The following KLF12 variants were observed in gnomAD, a reference collection of about 807,000 sequenced individuals.
The protein encoded by KLF12 is KLF transcription factor 12, also known as Krueppel-like factor 12.
In KLF12, 9 loss-of-function variants were observed where a neutral mutation model predicts 37.8. The ratio of observed to expected loss-of-function variants is 0.24; its 90% CI spans 0.14 to 0.42. The LOEUF (loss-of-function observed/expected upper bound fraction) is 0.42. KLF12 is among the 10% of genes least tolerant of loss of function. The pLI is 1.00. For missense variants in KLF12, 411 were observed against 516.0 expected, an observed-to-expected ratio of 0.80 and a Z score of 1.97; for synonymous variants, 208 against 202.1, an observed-to-expected ratio of 1.03 and a Z score of -0.25.
intron 1 of KLF12, among the ~76,000 whole-genome samples, chr13:74,093,239 G>T (rs530399269): frequency 3.9e-5 from 6 of 152,220 alleles, no homozygotes; most frequent in African/African-American, 1.2e-4. Flanking sequence ...ATGCTACAGC[G>T]GGCGGATAAC....
At chr13:73,919,688 T>G (rs558338276) in intron 3 of KLF12, among the ~76,000 whole-genome samples, 1 of 152,314 alleles carries the variant, frequency 6.6e-6, no homozygotes, top group South Asian at 2.1e-4. Flanking sequence ...TTGTTGTGAA[T>G]CAATCCTCTA....
chr13:73,903,184 ATT>A (rs1340114546), intron 3 of KLF12, among the ~76,000 whole-genome samples: 1 of 152,206 alleles, frequency 6.6e-6, no homozygotes, highest in Non-Finnish European at 1.5e-5. Context: ...TGATACATTA[ATT>A]TTTTAAGCAA....
intron 1 of KLF12, among the ~76,000 whole-genome samples, chr13:74,032,832 C>T (rs916450896): frequency 1.3e-5 from 2 of 152,084 alleles, no homozygotes; most frequent in Non-Finnish European, 2.9e-5. Context: ...TGATGGCTGA[C>T]CAATAAAAAG....
At chr13:74,279,132 T>A in the KLF12 span, among the ~76,000 whole-genome samples, 1 of 152,170 alleles carries the variant, frequency 6.6e-6, no homozygotes, top group Non-Finnish European at 1.5e-5. Flanking sequence ...ACTCATTCTT[T>A]CCCTCTTGGA....
rs1022284423 is a variant in KLF12, at chr13:73,690,201, T to G, written c.*5289A>C. The stretch of plus-strand genomic sequence containing the variant: ...TAAGAATTATTGCTGTGTAAAAGTA[T>G]AGGAATATCTCATTGGTCATAAGGT... On this transcript the variant is annotated 3_prime_UTR_variant, in exon 8 of 8. Coordinates refer to ENST00000377669, the MANE Select transcript of KLF12 (RefSeq NM_007249.5). 9 of 152,604 alleles carry G rather than the reference T, an allele frequency of 5.9e-5. No individual in the cohort carries two copies. The highest frequency in any genetic ancestry group is 1.2e-4 in the Non-Finnish European group (8 of 68,014). 9.5% of individuals were successfully genotyped at this position (152,604 alleles called of 1,614,324 possible).
At chr13:74,067,060 G>A (rs1308134518) in intron 1 of KLF12, among the ~76,000 whole-genome samples, 1 of 152,068 alleles carries the variant, frequency 6.6e-6, no homozygotes, top group Non-Finnish European at 1.5e-5. Context: ...GAAAATTAAA[G>A]CCCTCCTACC....
the KLF12 span, among the ~76,000 whole-genome samples, chr13:74,191,566 G>C: frequency 6.6e-6 from 1 of 152,144 alleles, no homozygotes; most frequent in Non-Finnish European, 1.5e-5. Flanking sequence ...CAGGGTTTCA[G>C]GTCTCTTGTG....
At chr13:74,230,862 A>T in the KLF12 span, among the ~76,000 whole-genome samples, 3 of 152,070 alleles carry the variant, frequency 2.0e-5, no homozygotes, top group Non-Finnish European at 4.4e-5. Context: ...TGGAATTTTC[A>T]TTCTGTTATG....
intron 2 of KLF12, among the ~76,000 whole-genome samples, chr13:73,950,670 C>G (rs1013039639): frequency 6.6e-6 from 1 of 152,124 alleles, no homozygotes; most frequent in Non-Finnish European, 1.5e-5. Context: ...TATTAACCTA[C>G]CACCAACCAA....
chr13:74,148,908 G>A, the KLF12 span, among the ~76,000 whole-genome samples: 6 of 150,304 alleles, frequency 4.0e-5, no homozygotes, highest in African/African-American at 1.5e-4. Context: ...TCCGCCTCCC[G>A]GGTTCAGGCA....
intron 6 of KLF12, among the ~76,000 whole-genome samples, chr13:73,734,645 C>T (rs1877318816): frequency 6.6e-6 from 1 of 151,832 alleles, no homozygotes; most frequent in African/African-American, 2.4e-5. Flanking sequence ...CATGATTTTG[C>T]TATTATCTAT....
chr13:74,051,756 G>A lies in KLF12; in HGVS notation c.-31-56703C>T, dbSNP rs569574999. ...TAAAAAGGAAAGGGAACTTGGAATC[G>A]TAAGATAAAAATCCCATAAAGTTAG... On this transcript the variant is annotated intron_variant, in intron 1 of 7. Coordinates refer to ENST00000377669, the MANE Select transcript of KLF12 (RefSeq NM_007249.5). 2.3e-4 allele frequency among the ~76,000 whole-genome samples: 35 copies of A among 152,218 alleles called. 1 individual carries two copies. The highest frequency in any genetic ancestry group is 3.4e-3 in the Middle Eastern group (1 of 294).
intron 3 of KLF12, among the ~76,000 whole-genome samples, chr13:73,888,458 A>C (rs116063725): frequency 0.015 from 2,281 of 152,324 alleles, 53 homozygotes; most frequent in African/African-American, 0.05. Context: ...GCTGCTATTT[A>C]GAGCACTAAA....
At chr13:73,712,337 T>G (rs1875464720) in intron 7 of KLF12, among the ~76,000 whole-genome samples, 2 of 56,994 alleles carry the variant, frequency 3.5e-5, no homozygotes, top group African/African-American at 1.1e-4. Context: ...AAACTCCATG[T>G]CAAAAAAAAA....
chr13:74,144,345 A>G, the KLF12 span, among the ~76,000 whole-genome samples: 1 of 152,162 alleles, frequency 6.6e-6, no homozygotes, highest in Non-Finnish European at 1.5e-5. Context: ...CAGGACTTCC[A>G]CTAGTTATCA....
At chr13:74,063,113 AG>A in intron 1 of KLF12, among the ~76,000 whole-genome samples, 2 of 152,332 alleles carry the variant, frequency 1.3e-5, no homozygotes, top group South Asian at 4.1e-4. Flanking sequence ...GCACCATGTC[AG>A]GGTGCTAAAA....
the KLF12 span, among the ~76,000 whole-genome samples, chr13:74,291,373 G>A: frequency 1.3e-5 from 2 of 152,222 alleles, no homozygotes; most frequent in Non-Finnish European, 2.9e-5. Flanking sequence ...AAGTGTGATT[G>A]GGAGGCCAGG....
chr13:74,150,694 T>G, the KLF12 span, among the ~76,000 whole-genome samples: 1 of 152,184 alleles, frequency 6.6e-6, no homozygotes. Flanking sequence ...TTTGGGGCCA[T>G]TAGTAAGTAA....
At chr13:73,796,461 G>GCTTTCTCCCTCTCTCCCTGTCTGTCT (rs1420188864) in intron 5 of KLF12, among the ~76,000 whole-genome samples, 229 of 150,770 alleles carry the variant, frequency 1.5e-3, no homozygotes, top group Non-Finnish European at 2.9e-3. Context: ...GCTTCTCTAA[G>GCTTTCTCCCTCTCTCCCTGTCTGTCT]CTTTCTCCCT....
Sources: allele counts gnomAD v4.1 joint callset (sites outside exome capture counted in the v4.1 genomes callset), GRCh38; gene constraint gnomAD v4.1.1; transcripts MANE v1.5; gene names NCBI Gene and HGNC (gene_info 2026-07-23, HGNC 2026-07-21).